The following ZSCAN5A variants were observed in gnomAD, a reference collection of about 807,000 sequenced individuals.
ZSCAN5A encodes zinc finger and SCAN domain-containing protein 5A.
Under a neutral mutation model 23.7 loss-of-function variants are expected in ZSCAN5A, and 12 were observed. The ratio of observed to expected loss-of-function variants is 0.51; its 90% CI spans 0.32 to 0.82. ZSCAN5A has a LOEUF of 0.82. Among genes scored for constraint, ZSCAN5A ranks in the 40% least tolerant of loss-of-function variants. The pLI is 0.03. For missense variants in ZSCAN5A, 597 were observed against 617.9 expected (o/e 0.97, Z 0.36); for synonymous variants, 257 against 239.9 (o/e 1.07, Z -0.66).
chr19:56,298,419 C>A (rs2147227655), intron 2 of ZSCAN5A, among the ~76,000 whole-genome samples: 1 of 152,220 alleles, frequency 6.6e-6, no homozygotes, highest in Admixed American at 6.5e-5. Flanking sequence ...AGGCGGATCA[C>A]AAGGTCAGGA....
At chr19:56,363,503 CAGA>C (rs2041747074) in intron 1 of ZSCAN5A, 1 of 152,146 alleles carries the variant, frequency 6.6e-6, no homozygotes, top group South Asian at 2.1e-4. Context: ...TTGGAGGGCT[CAGA>C]AGAAGACAGG....
intron 2 of ZSCAN5A, among the ~76,000 whole-genome samples, chr19:56,333,731 C>T (rs528968025): frequency 6.6e-6 from 1 of 151,776 alleles, no homozygotes; most frequent in African/African-American, 2.4e-5. Context: ...CCAAACTGCA[C>T]AATAGCTCAA....
intron 2 of ZSCAN5A, among the ~76,000 whole-genome samples, chr19:56,323,954 C>G (rs1472539684): frequency 6.6e-6 from 1 of 152,150 alleles, no homozygotes. Context: ...TCCATCACCC[C>G]AAACCTGCAC....
At chr19:56,260,832 T>G (rs1398664583) in intron 2 of ZSCAN5A, among the ~76,000 whole-genome samples, 1 of 152,224 alleles carries the variant, frequency 6.6e-6, no homozygotes, top group Non-Finnish European at 1.5e-5. Flanking sequence ...TATAAACATT[T>G]GGAGAGCACT....
chr19:56,267,140 A>G (rs990849444), intron 2 of ZSCAN5A, among the ~76,000 whole-genome samples: 8 of 152,170 alleles, frequency 5.3e-5, no homozygotes, highest in Non-Finnish European at 1.0e-4. Context: ...AACTCTAGCT[A>G]CGGCAGCATC....
chr19:56,222,570 G>A (rs766166969), intron 5 of ZSCAN5A, 21 bp downstream of exon 5: 1 of 1,613,180 alleles, frequency 6.2e-7, no homozygotes. Context: ...AACCCCTGTG[G>A]ATCCAAGTCT....
intron 2 of ZSCAN5A, chr19:56,363,223 A>G (rs925117946): frequency 2.0e-5 from 3 of 152,234 alleles, no homozygotes; most frequent in African/African-American, 7.2e-5. Context: ...GCATCCTCTT[A>G]GAAACACTCA....
chr19:56,222,769 C>T (rs370394203), intron 4 of ZSCAN5A, 28 bp from the exon 5 acceptor site: 2 of 1,613,916 alleles, frequency 1.2e-6, no homozygotes, highest in African/African-American at 2.7e-5. Flanking sequence ...AGAGTAATGA[C>T]TGCTGTGTCC....
At chr19:56,318,453 T>G (rs2041340248), upstream of ZSCAN5A, among the ~76,000 whole-genome samples, 1 of 152,112 alleles carries the variant, frequency 6.6e-6, no homozygotes, top group Non-Finnish European at 1.5e-5. Context: ...TCTAGAACAA[T>G]AACCCAACAC....
intron 2 of ZSCAN5A, chr19:56,320,899 A>AC (rs979276522): frequency 2.6e-6 from 2 of 762,016 alleles, no homozygotes; most frequent in African/African-American, 1.7e-5. Context: ...TCCAATCTTT[A>AC]CCCCCTTGAA....
chr19:56,337,023 G>T (rs138602009), intron 2 of ZSCAN5A, among the ~76,000 whole-genome samples: 1 of 152,140 alleles, frequency 6.6e-6, no homozygotes, highest in East Asian at 1.9e-4. Flanking sequence ...TAGGCTACTC[G>T]GGGGTCAGGG....
At chr19:56,319,411 G>A (rs1424408510), upstream of ZSCAN5A, among the ~76,000 whole-genome samples, 3 of 147,500 alleles carry the variant, frequency 2.0e-5, no homozygotes, top group Non-Finnish European at 4.4e-5. Context: ...CAAAAGAATT[G>A]CTTGAACCTG....
chr19:56,352,977 A>T lies in ZSCAN5A; in HGVS notation c.-358+10258T>A, dbSNP rs1316847074. Among the ~76,000 whole-genome samples, 1 of 152,192 alleles carries T rather than the reference A, an allele frequency of 6.6e-6. No homozygotes were observed. The highest frequency in any genetic ancestry group is 2.4e-5 in the African/African-American group (1 of 41,454). On this transcript the variant is annotated intron_variant, in intron 2 of 6. Transcript: ENST00000587340. The surrounding 1 kb of genome is among the most constrained non-coding windows in gnomAD (Gnocchi z 4.2). ...CAGGGGGAAGAGGGCTGTCCTGTGC[A>T]TTGTAGGATGTTTAGCTGCATCCCT...
At chr19:56,361,206 C>T (rs1382681306) in intron 2 of ZSCAN5A, among the ~76,000 whole-genome samples, 1 of 152,182 alleles carries the variant, frequency 6.6e-6, no homozygotes, top group Admixed American at 6.5e-5. Flanking sequence ...CAAGAAGCAA[C>T]AGATGCTGGC....
At chr19:56,252,588 A>T (rs1468263133) in intron 2 of ZSCAN5A, among the ~76,000 whole-genome samples, 1 of 152,210 alleles carries the variant, frequency 6.6e-6, no homozygotes, top group Non-Finnish European at 1.5e-5. Context: ...TGAACTCCCC[A>T]CTGGCACTAG....
chr19:56,320,269 C>A, intron 2 of ZSCAN5A: 1 of 477,024 alleles, frequency 2.1e-6, no homozygotes, highest in Non-Finnish European at 4.0e-6. Context: ...GCTGCCCGGA[C>A]ATTTAGAAAG....
Position 56,222,681 on chromosome 19 carries a change from G to A in ZSCAN5A, c.649C>T (p.Pro217Ser). 2 of 1,614,132 alleles carry A rather than the reference G, an allele frequency of 1.2e-6. No individual in the cohort carries two copies. Among genetic ancestry groups the A allele is most frequent in the Non-Finnish European group, 1.7e-6 (2 of 1,180,034 alleles). ...AGATCCTTCTCCAAGGTCTGCTTGG[G>A]TCTCAGAGACTTTGGGTCACCTGTT... Reference protein sequence around the residue: ...DVTGDPKSLRPKQTLEKDLKE... With the variant: ...DVTGDPKSLRSKQTLEKDLKE... The change falls in exon 5 of 6, where the codon CCC (proline) becomes TCC (serine). Residue 217 changes from proline (P) to serine (S), a missense_variant. By Grantham distance (74) the Pro-to-Ser change is moderately conservative. This residue lies in a region of ZSCAN5A where 406 missense variants were observed against 353.2 expected (regional missense o/e 1.15). Coordinates refer to ENST00000683990, the MANE Select transcript of ZSCAN5A (RefSeq NM_001322064.3).
chr19:56,307,993 C>T (rs2040805979), intron 2 of ZSCAN5A, among the ~76,000 whole-genome samples: 1 of 152,190 alleles, frequency 6.6e-6, no homozygotes, highest in African/African-American at 2.4e-5. Context: ...AACTTTTCTC[C>T]ACTTCTCTTG....
Position 56,227,556 on chromosome 19 carries a change from T to A in ZSCAN5A, c.-127-2383A>T, listed in dbSNP as rs146545051. Among the ~76,000 whole-genome samples the A allele has an allele frequency of 2.2e-3, 329 of 152,250 alleles. 9 individuals are homozygous for A. The East Asian group carries it at 0.057, about 26-fold the overall frequency. ...AAATCACTTTGTATTTGATCTTAGT[T>A]CATTCCCCGTTAAAGTAAGAAACAA... On this transcript the variant is annotated intron_variant, in intron 2 of 5. Transcript: ENST00000683990.
Sources: gnomAD v4.1 joint callset for allele counts (sites outside exome capture counted in the v4.1 genomes callset) on GRCh38, gnomAD v4.1.1 for gene constraint, gnomAD v4.1.1 regional missense constraint, Gnocchi (gnomAD v3.1) non-coding constraint, MANE v1.5 for transcripts, NCBI Gene and HGNC (gene_info 2026-07-23, HGNC 2026-07-21) for gene names.